KIAA1671: variants seen among roughly 807,000 people sequenced by gnomAD.
KIAA1671 encodes the protein uncharacterized protein KIAA1671.
A neutral mutation model predicts 131.2 loss-of-function variants in KIAA1671; 52 were observed. The observed-to-expected ratio is 0.40, with a 90% CI of 0.32 to 0.50. The LOEUF is 0.50. Among genes scored for constraint, KIAA1671 ranks in the 20% least tolerant of loss-of-function variants. The pLI, the probability that KIAA1671 is intolerant of heterozygous loss-of-function variation, is 0.73. For synonymous variants in KIAA1671, 1,003 were observed against 961.6 expected (o/e 1.04, Z -0.80); for missense variants, 2,360 against 2,364.2 (o/e 1.00, Z 0.04).
chr22:25,058,888 T>G (rs1927999907), intron 6 of KIAA1671: 1 of 152,186 alleles, frequency 6.6e-6, no homozygotes, highest in African/African-American at 2.4e-5. Context: ...CCAGAGCACC[T>G]GAGTGAGGCC....
At chr22:25,183,445 C>A in intron 10 of KIAA1671, among the ~76,000 whole-genome samples, 1 of 128,966 alleles carries the variant, frequency 7.8e-6, no homozygotes, top group African/African-American at 2.8e-5. Flanking sequence ...TCCCTCCCTC[C>A]CTCCCTCCCT....
intron 6 of KIAA1671, among the ~76,000 whole-genome samples, chr22:25,115,928 C>T (rs1255421597): frequency 1.3e-5 from 2 of 152,260 alleles, no homozygotes; most frequent in African/African-American, 4.8e-5. Context: ...AGGTGCCCTC[C>T]ACAACACTGG....
rs367938198 is a variant in KIAA1671 at position 25,001,074 on chromosome 22, AG to A, written c.-207-24558del. Among the ~76,000 whole-genome samples the A allele has an allele frequency of 8.2e-4, 124 of 152,052 alleles. 1 individual carries two copies. Among genetic ancestry groups the A allele is most frequent in the African/African-American group, 2.9e-3 (121 of 41,502 alleles). On this transcript the variant is annotated intron_variant, in intron 1 of 12. Transcript: ENST00000358431. ...CGAGTCTTTTGTGCTTAAAAAAAAA[AG>A]AAATACAAAACTGAGTTGTCTTTTT...
At chr22:25,045,958 A>C (rs946724282) in intron 5 of KIAA1671, among the ~76,000 whole-genome samples, 1 of 152,072 alleles carries the variant, frequency 6.6e-6, no homozygotes, top group African/African-American at 2.4e-5. Context: ...ATTTTAACCT[A>C]GACTCTCATT....
intron 6 of KIAA1671, among the ~76,000 whole-genome samples, chr22:25,131,002 A>G (rs1404698657): frequency 6.6e-6 from 1 of 152,248 alleles, no homozygotes; most frequent in East Asian, 1.9e-4. Context: ...CTAAAGCTCA[A>G]AAATGGAAAA....
intron 6 of KIAA1671, among the ~76,000 whole-genome samples, chr22:25,130,758 A>G (rs1297429060): frequency 6.6e-6 from 1 of 151,986 alleles, no homozygotes. Flanking sequence ...CTGGGTGGAG[A>G]GCTCCTCTCC....
At chr22:24,996,711 G>A (rs758231446) in intron 1 of KIAA1671, among the ~76,000 whole-genome samples, 1 of 152,206 alleles carries the variant, frequency 6.6e-6, no homozygotes, top group Non-Finnish European at 1.5e-5. Flanking sequence ...GTAGCCCCTC[G>A]TGTCCCTTGG....
chr22:25,044,653 C>T (rs1374202680), intron 5 of KIAA1671, among the ~76,000 whole-genome samples: 1 of 151,792 alleles, frequency 6.6e-6, no homozygotes, highest in African/African-American at 2.4e-5. Flanking sequence ...AAAATAAAAA[C>T]ACACCAATAC....
chr22:25,167,580 G>A (rs1402584024), intron 6 of KIAA1671, among the ~76,000 whole-genome samples: 4 of 152,172 alleles, frequency 2.6e-5, no homozygotes, highest in Non-Finnish European at 4.4e-5. Flanking sequence ...TGGGTGATAA[G>A]TTCTTTTAAA....
chr22:25,123,484 G>A (rs538595033), intron 6 of KIAA1671, among the ~76,000 whole-genome samples: 24 of 152,238 alleles, frequency 1.6e-4, no homozygotes, highest in African/African-American at 5.3e-4. Flanking sequence ...GAGCTACCGT[G>A]CCCGGCTGAG....
intron 6 of KIAA1671, among the ~76,000 whole-genome samples, chr22:25,116,331 C>G (rs1931656662): frequency 6.6e-6 from 1 of 152,052 alleles, no homozygotes; most frequent in Admixed American, 6.6e-5. Context: ...CCTCAGCCTC[C>G]CAAAGTGTGG....
chr22:25,007,682 G>A (rs536860726), intron 1 of KIAA1671, among the ~76,000 whole-genome samples: 27 of 152,114 alleles, frequency 1.8e-4, no homozygotes, highest in African/African-American at 6.5e-4. Context: ...CAAATGTTAT[G>A]TTCCCTTTCC....
chr22:25,049,582 T>C, intron 6 of KIAA1671: 1 of 518,940 alleles, frequency 1.9e-6, no homozygotes, highest in Non-Finnish European at 3.4e-6. Context: ...CTTCTTCCTC[T>C]TGAGTTTCCA....
chr22:25,189,462 C>T (rs919202766), intron 11 of KIAA1671, among the ~76,000 whole-genome samples: 5 of 151,878 alleles, frequency 3.3e-5, no homozygotes, highest in African/African-American at 9.7e-5. Flanking sequence ...CGTGAGCCAC[C>T]GTGCCTGGCG....
rs528753714 is a variant in KIAA1671 at position 25,188,218 on chromosome 22, G to A, written c.5343-2484G>A. ...CGGGAGGCTGAGGCAGGAGAATGGC[G>A]TGAACCCAGGAGGCAGAGCTTGCAG... On this transcript the variant is annotated intron_variant, in intron 11 of 12. Coordinates refer to ENST00000358431, the MANE Select transcript of KIAA1671 (RefSeq NM_001145206.2). Among the ~76,000 whole-genome samples, 7 of 152,280 alleles carry A rather than the reference G, an allele frequency of 4.6e-5. 1 individual carries two copies. In the South Asian group the frequency reaches 1.2e-3, roughly 27 times the overall value.
rs1926922465 is a variant in KIAA1671 at position 25,041,518 on chromosome 22, G to T, written c.4388G>T (p.Ser1463Ile). 14 of 1,540,184 alleles carry T rather than the reference G, an allele frequency of 9.1e-6. No homozygotes were observed. The highest frequency in any genetic ancestry group is 1.2e-5 in the Non-Finnish European group (14 of 1,142,794). The change falls in exon 5 of 13, where the codon AGT (serine) becomes ATT (isoleucine). Residue 1463 changes from serine (S) to isoleucine (I), a missense_variant. By Grantham distance (142) the Ser-to-Ile change is moderately radical (BLOSUM62 -2). Coordinates refer to ENST00000358431, the MANE Select transcript of KIAA1671 (RefSeq NM_001145206.2). ...TGGTGGGAGTCAGGGACTGGAGACA[G>T]TCACAAGGTAAGTACCGAGACACTT... is the stretch of plus-strand genomic sequence containing the variant. ...PCWWESGTGD[S>I]HKVLPRDLEK...
intron 10 of KIAA1671, among the ~76,000 whole-genome samples, chr22:25,182,343 C>T (rs1366886273): frequency 1.3e-5 from 1 of 75,656 alleles, no homozygotes; most frequent in Non-Finnish European, 3.2e-5. Flanking sequence ...TTTCTTTCCT[C>T]CCTCCCTTTC....
intron 1 of KIAA1671, chr22:25,010,347 ATTTT>A (rs1295609012): frequency 2.0e-5 from 3 of 151,466 alleles, no homozygotes; most frequent in African/African-American, 7.3e-5. Context: ...CGCCCAGCTA[ATTTT>A]TTGTATTTTT....
At chr22:25,082,629 T>C (rs1929473312) in intron 6 of KIAA1671, among the ~76,000 whole-genome samples, 2 of 152,156 alleles carry the variant, frequency 1.3e-5, no homozygotes, top group Admixed American at 6.5e-5. Flanking sequence ...ACCCAGGAGT[T>C]AGAGACCAGC....
Sources: gnomAD v4.1 joint callset for allele counts (sites outside exome capture counted in the v4.1 genomes callset) on GRCh38, gnomAD v4.1.1 for gene constraint, MANE v1.5 for transcripts, NCBI Gene and HGNC (gene_info 2026-07-23, HGNC 2026-07-21) for gene names.